Variants in CFAP46 observed in about 807,000 individuals in gnomAD.
CFAP46 encodes the protein cilia and flagella associated protein 46.
Under a neutral mutation model 325.7 loss-of-function variants are expected in CFAP46, and 245 were observed. That is an observed-to-expected ratio of 0.75 (90% CI 0.68 to 0.84). The LOEUF (loss-of-function observed/expected upper bound fraction) is 0.84, where lower values mean the gene tolerates loss of function less well. Ranked by LOEUF, CFAP46 falls within the 40% of genes least tolerant of loss-of-function variation. The pLI is 0.00. For synonymous variants in CFAP46, 1,523 were observed against 1,495.9 expected, an observed-to-expected ratio of 1.02 and a Z score of -0.42; for missense variants, 3,346 against 3,543.0, an observed-to-expected ratio of 0.94 and a Z score of 1.41.
chr10:132,938,523 T>A, intron 5 of CFAP46, 66 bp downstream of exon 5: 1 of 1,460,946 alleles, frequency 6.8e-7, no homozygotes, highest in Non-Finnish European at 9.4e-7. Flanking sequence ...GGAGAAGGGG[T>A]GGTGGCCTCA....
chr10:132,846,020 G>A (rs945085281), intron 44 of CFAP46, 37 bp downstream of exon 44: 5 of 1,581,128 alleles, frequency 3.2e-6, no homozygotes, highest in Non-Finnish European at 4.3e-6. Flanking sequence ...GAGCTCCAGA[G>A]CTGGGGGCAG....
intron 50 of CFAP46, among the ~76,000 whole-genome samples, chr10:132,821,495 A>C (rs1417666250): frequency 9.4e-6 from 1 of 106,752 alleles, no homozygotes; most frequent in Non-Finnish European, 1.7e-5. Context: ...GTGAGTGCTG[A>C]TGTGTGCTGT....
At chr10:132,904,793 G>T (rs181940208) in intron 22 of CFAP46, among the ~76,000 whole-genome samples, 2 of 152,070 alleles carry the variant, frequency 1.3e-5, no homozygotes, top group Non-Finnish European at 2.9e-5. Flanking sequence ...ACAGAGTCTC[G>T]CTGTGTCACC....
At chr10:132,895,981 A>G (rs1316128704) in intron 24 of CFAP46, among the ~76,000 whole-genome samples, 1 of 76,802 alleles carries the variant, frequency 1.3e-5, no homozygotes, top group Non-Finnish European at 2.4e-5. Context: ...TCTGTGTGCC[A>G]TGAGACACGG....
chr10:132,919,475 G>A lies in CFAP46; in HGVS notation c.1731-33C>T. 6.5e-7 allele frequency: 1 copy of A among 1,532,096 alleles called. No homozygotes were observed. Among genetic ancestry groups the A allele is most frequent in the Non-Finnish European group, 8.8e-7 (1 of 1,137,838 alleles). The allele number at this position is 1,532,096 out of a possible 1,614,324, so 94.9% of individuals were successfully genotyped here. ...CCGAGAACCCAAACGAGTGAAAGGTGAGTAGACAAGTGTGGTTGCTGAAGT... is the reference window on the plus strand; with the variant it reads ...CCGAGAACCCAAACGAGTGAAAGGTAAGTAGACAAGTGTGGTTGCTGAAGT... On this transcript the variant is annotated intron_variant, in intron 14 of 57. Coordinates refer to ENST00000368586, the MANE Select transcript of CFAP46 (RefSeq NM_001200049.3). This position sits in a 1 kb window ranked among gnomAD's most constrained non-coding sequence, Gnocchi z 9.7.
In CFAP46 at chr10:132,817,877, G is replaced by A. The variant is rs367911548; in HGVS notation, c.7118-2963C>T. On this transcript the variant is annotated intron_variant, in intron 50 of 57. Transcript: ENST00000368586. This position sits in a 1 kb window ranked among gnomAD's most constrained non-coding sequence, Gnocchi z 4.4. ...TCACTGGGTCACAGTGAACGGCGTC[G>A]GCCGCGCTCTGCCTGGAGGCTCCCG... Among the ~76,000 whole-genome samples the A allele has an allele frequency of 1.7e-3, 263 of 152,300 alleles. 2 individuals are homozygous for A. The highest frequency in any genetic ancestry group is 6.0e-3 in the African/African-American group (248 of 41,554).
intron 50 of CFAP46, among the ~76,000 whole-genome samples, chr10:132,820,355 G>A (rs926300446): frequency 1.3e-5 from 2 of 152,262 alleles, no homozygotes; most frequent in Non-Finnish European, 2.9e-5. Context: ...GGGGGAGGGA[G>A]TGAGAGGTGC....
chr10:132,897,297 A>G (rs1342453514), intron 24 of CFAP46, among the ~76,000 whole-genome samples: 2 of 152,226 alleles, frequency 1.3e-5, no homozygotes, highest in Non-Finnish European at 1.5e-5. Context: ...ATCAAATGGC[A>G]TGATCAAATG....
intron 19 of CFAP46, among the ~76,000 whole-genome samples, chr10:132,910,466 C>T (rs1849525475): frequency 6.6e-6 from 1 of 152,326 alleles, no homozygotes; most frequent in East Asian, 1.9e-4. Context: ...CCTGCAGTGA[C>T]GGGCATGTGG....
At chr10:132,821,413 G>A (rs1283786403) in intron 50 of CFAP46, among the ~76,000 whole-genome samples, 1 of 135,506 alleles carries the variant, frequency 7.4e-6, no homozygotes, top group Non-Finnish European at 1.6e-5. Flanking sequence ...GCTGTGTGCT[G>A]TGTGAGCGCT....
intron 50 of CFAP46, among the ~76,000 whole-genome samples, chr10:132,823,502 C>CTGTGTGCTGA (rs1190222149): frequency 9.4e-6 from 1 of 106,518 alleles, no homozygotes; most frequent in Non-Finnish European, 1.8e-5. Context: ...CTGATGTGTG[C>CTGTGTGCTGA]TGTGTGCTGA....
intron 50 of CFAP46, among the ~76,000 whole-genome samples, chr10:132,823,249 C>G (rs1380256800): frequency 9.9e-6 from 1 of 100,872 alleles, no homozygotes; most frequent in Non-Finnish European, 1.9e-5. Context: ...TGTGTGAGCG[C>G]TGATGTGTGC....
intron 50 of CFAP46, among the ~76,000 whole-genome samples, chr10:132,824,137 GTGC>G (rs1847972443): frequency 7.4e-6 from 1 of 135,894 alleles, no homozygotes; most frequent in Non-Finnish European, 1.7e-5. Context: ...TGCTGTGTGT[GTGC>G]TGATGTGTGC....
chr10:132,819,165 C>T (rs551608366), intron 50 of CFAP46, among the ~76,000 whole-genome samples: 105 of 152,142 alleles, frequency 6.9e-4, no homozygotes, highest in African/African-American at 2.3e-3. Flanking sequence ...ATCATCAGAA[C>T]GAATAAAATA....
rs1354769025 is a variant in CFAP46 at position 132,898,986 on chromosome 10, G to C, written c.3192C>G (p.Ile1064Met). 1 of 1,550,464 alleles carries C rather than the reference G, an allele frequency of 6.4e-7. No individual in the cohort carries two copies. The highest frequency in any genetic ancestry group is 8.7e-7 in the Non-Finnish European group (1 of 1,146,992). The change falls in exon 24 of 58, where the codon ATC becomes ATG. Residue 1064 changes from isoleucine (I) to methionine (M), a missense_variant. Transcript: ENST00000368586. ...AKGALKRLIGIINKTEARKQE... is the reference protein window; with the variant it reads ...AKGALKRLIGMINKTEARKQE... ...GCTTTCTGGCCTCTGTCTTGTTGAT[G>C]ATGCCGATGAGCCTCTTCAGGGCAC... is the stretch of plus-strand genomic sequence containing the variant.
At position 132,909,253 on chromosome 10, in the gene CFAP46, G is replaced by C; in HGVS notation, c.2650-9C>G. ...ACATCCTCATTGGTGCCCTGGTGGG[G>C]AGGATGCCCTGAGTGTATCAGCCCA... On this transcript the variant is annotated splice_polypyrimidine_tract_variant and intron_variant, in intron 20 of 57. Transcript: ENST00000368586. 1 of 1,547,076 alleles carries C rather than the reference G, an allele frequency of 6.5e-7. No homozygotes were observed. The highest frequency in any genetic ancestry group is 8.7e-7 in the Non-Finnish European group (1 of 1,143,986).
rs1376355810 is a variant in CFAP46, at chr10:132,919,374, G to GCCGTC, written c.1794_1798dup (p.Ala600GlyfsTer15). On this transcript the variant is annotated frameshift_variant, in exon 15 of 58. Transcript: ENST00000368586. LOFTEE classifies it high-confidence loss of function. The surrounding 1 kb of genome is among the most constrained non-coding windows in gnomAD (Gnocchi z 9.7). ...GTCATACAGGAGGCAGAAGCGGCTCGCCGTCCGACAGACGTCCCACACGCC... is the reference window on the plus strand; with the variant it reads ...GTCATACAGGAGGCAGAAGCGGCTCGCCGTCCCGTCCGACAGACGTCCCACACGCC... 1.3e-6 allele frequency: 2 copies of GCCGTC among 1,550,002 alleles called. No individual in the cohort carries two copies. The highest frequency in any genetic ancestry group is 4.9e-5 in the East Asian group (2 of 40,896).
intron 32 of CFAP46, among the ~76,000 whole-genome samples, chr10:132,870,183 G>A (rs565116194): frequency 7.2e-4 from 110 of 152,202 alleles, no homozygotes; most frequent in African/African-American, 2.4e-3. Context: ...CATATGAGAC[G>A]GTGAACTGAG....
At position 132,833,506 on chromosome 10, in the gene CFAP46, A is replaced by G; in HGVS notation, c.6969T>C (p.Val2323=). ...TGQHSTVQPE[V]ADKIVLVADR... ...CTGCGACCAGGACTATCTTATCGGCAACCTCAGGCTGGACTGTGCCTGGGA... is the reference window on the plus strand; with the variant it reads ...CTGCGACCAGGACTATCTTATCGGCGACCTCAGGCTGGACTGTGCCTGGGA... Residue 2323 remains valine (V), a synonymous_variant, in exon 50 of 58, where the codon GTT becomes GTC. Coordinates refer to ENST00000368586, the MANE Select transcript of CFAP46 (RefSeq NM_001200049.3). 1 of 1,613,980 alleles carries G rather than the reference A, an allele frequency of 6.2e-7. No homozygotes were observed. Among genetic ancestry groups the G allele is most frequent in the Non-Finnish European group, 8.5e-7 (1 of 1,179,934 alleles).
Sources: allele counts gnomAD v4.1 joint callset (sites outside exome capture counted in the v4.1 genomes callset), GRCh38; gene constraint gnomAD v4.1.1; non-coding constraint Gnocchi (gnomAD v3.1); transcripts MANE v1.5; gene names NCBI Gene and HGNC (gene_info 2026-07-23, HGNC 2026-07-21).